Variants in NFATC2 observed in about 807,000 individuals in gnomAD.
The protein encoded by NFATC2 is nuclear factor of activated T-cells, cytoplasmic 2.
NFATC2 carries 22 observed loss-of-function variants against 87.3 expected under a neutral mutation model. That is an observed-to-expected ratio of 0.25 (90% CI 0.18 to 0.36). NFATC2 has a LOEUF of 0.36. NFATC2 is among the 10% of genes least tolerant of loss of function. The pLI is 1.00. For synonymous variants in NFATC2, 565 were observed against 542.2 expected (o/e 1.04, Z -0.58); for missense variants, 1,149 against 1,259.1 (o/e 0.91, Z 1.32).
chr20:51,523,304 C>A lies in NFATC2; in HGVS notation c.937G>T (p.Asp313Tyr), dbSNP rs770131668. The change falls in exon 2 of 11, where the codon GAC (aspartate) becomes TAC (tyrosine). Residue 313 changes from aspartate to tyrosine, a missense_variant. Physicochemically the swap from Asp to Tyr is radical, Grantham distance 160. This residue lies in a region of NFATC2 where 563 missense variants were observed against 585.2 expected (regional missense o/e 0.96). Transcript: ENST00000371564. The surrounding 1 kb of genome is among the most constrained non-coding windows in gnomAD (Gnocchi z 6.9). ...TTGGGGGGGATCCCACAAGGCGAGT[C>A]CGTGGCGAGGCTGTTCAGGGCATCC... is the stretch of plus-strand genomic sequence containing the variant. ...IMDALNSLAT[D>Y]SPCGIPPKMW... 1.2e-6 allele frequency: 2 copies of A among 1,613,748 alleles called. No individual in the cohort carries two copies. Among genetic ancestry groups the A allele is most frequent in the Admixed American group, 1.7e-5 (1 of 60,004 alleles).
chr20:51,424,685 C>T (rs188746904), intron 9 of NFATC2, among the ~76,000 whole-genome samples: 3 of 152,220 alleles, frequency 2.0e-5, no homozygotes, highest in East Asian at 3.9e-4. Flanking sequence ...AATGGGTCCC[C>T]ATTGACCAAA....
chr20:51,417,956 G>A (rs373354163), intron 9 of NFATC2, among the ~76,000 whole-genome samples: 13 of 152,226 alleles, frequency 8.5e-5, no homozygotes, highest in African/African-American at 4.8e-5. Flanking sequence ...GCGGGGCACC[G>A]GGCAGTCCGT....
intron 9 of NFATC2, among the ~76,000 whole-genome samples, chr20:51,426,703 CT>C (rs1217248342): frequency 6.6e-6 from 1 of 152,104 alleles, no homozygotes; most frequent in African/African-American, 2.4e-5. Context: ...TGAAATCTGA[CT>C]TTTGTTTGTA....
chr20:51,561,397 GAGAAAGAAA>G (rs1243792796), intron 1 of NFATC2, among the ~76,000 whole-genome samples: 5 of 137,446 alleles, frequency 3.6e-5, no homozygotes, highest in Admixed American at 1.5e-4. Context: ...AAGAAAGAGA[GAGAAAGAAA>G]AGAAAGAAAG....
chr20:51,391,252 A>T lies in NFATC2; in HGVS notation c.*244T>A, dbSNP rs1349444426. On this transcript the variant is annotated 3_prime_UTR_variant, in exon 11 of 11. Transcript: ENST00000371564. ...TTAGAGGGAGGTGGCGAGCTCCTTA[A>T]GTGAGAGTCCGCTTAGTGCCCATAC... The T allele has an allele frequency of 5.8e-6, 5 of 855,784 alleles. No individual in the cohort carries two copies. Among genetic ancestry groups the T allele is most frequent in the Non-Finnish European group, 1.0e-5 (5 of 493,840 alleles). The allele number at this position is 855,784 out of a possible 1,614,324, so 53.0% of individuals were successfully genotyped here.
chr20:51,441,586 G>A (rs1984343870), intron 6 of NFATC2, among the ~76,000 whole-genome samples: 1 of 151,498 alleles, frequency 6.6e-6, no homozygotes, highest in East Asian at 2.0e-4. Flanking sequence ...GCGTGGTAGT[G>A]GGCGCCTGTA....
chr20:51,532,229 A>G (rs2076645290), intron 1 of NFATC2, among the ~76,000 whole-genome samples: 1 of 152,158 alleles, frequency 6.6e-6, no homozygotes, highest in African/African-American at 2.4e-5. Context: ...TAGGGGGAAA[A>G]TGAGGCTCAG....
chr20:51,415,277 A>G (rs1048273576), intron 9 of NFATC2, among the ~76,000 whole-genome samples: 1 of 151,922 alleles, frequency 6.6e-6, no homozygotes, highest in African/African-American at 2.4e-5. Flanking sequence ...TAAAAACACA[A>G]TCAGGAGAAA....
At chr20:51,429,548 G>A (rs1001455509) in intron 9 of NFATC2, among the ~76,000 whole-genome samples, 1 of 152,206 alleles carries the variant, frequency 6.6e-6, no homozygotes, top group Admixed American at 6.5e-5. Flanking sequence ...AGAGCTTCTA[G>A]GCCAGCTGTG....
intron 1 of NFATC2, among the ~76,000 whole-genome samples, chr20:51,536,125 T>A (rs1032438602): frequency 6.6e-6 from 1 of 152,238 alleles, no homozygotes; most frequent in Admixed American, 6.5e-5. Flanking sequence ...CATTTCTACC[T>A]TAGCCAGGAG....
chr20:51,427,667 A>C (rs1324727536), intron 9 of NFATC2, among the ~76,000 whole-genome samples: 2 of 152,132 alleles, frequency 1.3e-5, no homozygotes, highest in Non-Finnish European at 2.9e-5. Flanking sequence ...CACGTCTCCG[A>C]GTTCACGGCC....
At chr20:51,455,482 C>T (rs1209282028) in intron 5 of NFATC2, among the ~76,000 whole-genome samples, 5 of 151,750 alleles carry the variant, frequency 3.3e-5, no homozygotes, top group Admixed American at 1.3e-4. Context: ...GTACCCAGCC[C>T]GGTCCCTCTC....
intron 3 of NFATC2, among the ~76,000 whole-genome samples, chr20:51,493,882 C>T (rs1011080423): frequency 6.6e-6 from 1 of 152,180 alleles, no homozygotes; most frequent in Non-Finnish European, 1.5e-5. Context: ...TCAGAACCAA[C>T]CAAGTCTCAG....
chr20:51,396,052 A>G (rs1386310713), intron 10 of NFATC2, among the ~76,000 whole-genome samples: 14 of 9,644 alleles, frequency 1.5e-3, no homozygotes, highest in East Asian at 6.8e-3. Context: ...ATATATATAT[A>G]TATATATATA....
At chr20:51,446,894 C>A (rs1985132885) in intron 6 of NFATC2, among the ~76,000 whole-genome samples, 1 of 152,178 alleles carries the variant, frequency 6.6e-6, no homozygotes, top group Admixed American at 6.5e-5. Context: ...ATGCCCCAGC[C>A]CTGTCTGGAG....
At chr20:51,435,054 A>T in intron 8 of NFATC2, 134 bp downstream of exon 8, 2 of 1,097,822 alleles carry the variant, frequency 1.8e-6, no homozygotes, top group South Asian at 3.1e-5. Flanking sequence ...TGTCTCACAG[A>T]TGATGCAACT....
chr20:51,483,258 G>A (rs533103028), intron 3 of NFATC2, among the ~76,000 whole-genome samples: 7 of 152,316 alleles, frequency 4.6e-5, no homozygotes, highest in Non-Finnish European at 1.0e-4. Flanking sequence ...TCAGTTGGAC[G>A]ATTCCAATCC....
At chr20:51,498,805 G>C (rs2076031801) in intron 3 of NFATC2, among the ~76,000 whole-genome samples, 1 of 152,194 alleles carries the variant, frequency 6.6e-6, no homozygotes, top group African/African-American at 2.4e-5. Context: ...CACCTAAGTA[G>C]AAAGACAGAT....
At position 51,517,927 on chromosome 20, in the gene NFATC2, AC is replaced by A. The variant is rs1448247414; in HGVS notation, c.1161-973del. Among the ~76,000 whole-genome samples, 206 of 151,140 alleles carry A rather than the reference AC, an allele frequency of 1.4e-3. 2 individuals are homozygous for A. Among genetic ancestry groups the A allele is most frequent in the African/African-American group, 4.8e-3 (199 of 41,046 alleles). ...GAGACTGTCTCAAAAAAAAAAAAAA[AC>A]ATAAACAAAACAGTATTATAATCTT... On this transcript the variant is annotated intron_variant, in intron 2 of 10. Coordinates refer to ENST00000371564, the MANE Select transcript of NFATC2 (RefSeq NM_012340.5).
Sources: allele counts gnomAD v4.1 joint callset (sites outside exome capture counted in the v4.1 genomes callset), GRCh38; gene constraint gnomAD v4.1.1; regional missense constraint gnomAD v4.1.1; non-coding constraint Gnocchi (gnomAD v3.1); transcripts MANE v1.5; gene names NCBI Gene and HGNC (gene_info 2026-07-23, HGNC 2026-07-21).